Variants in RARA observed in about 807,000 individuals in gnomAD.
The protein encoded by RARA is PML-DDX5-RARA fusion.
Under a neutral mutation model 42.8 loss-of-function variants are expected in RARA, and 5 were observed. The ratio of observed to expected loss-of-function variants is 0.12; its 90% CI spans 0.06 to 0.25. The LOEUF is 0.25. Among genes scored for constraint, RARA ranks in the 10% least tolerant of loss-of-function variants. RARA has a pLI of 1.00. For missense variants in RARA, 402 were observed against 628.7 expected (o/e 0.64, Z 3.86); for synonymous variants, 256 against 259.5 (o/e 0.99, Z 0.13).
intron 2 of RARA, among the ~76,000 whole-genome samples, chr17:40,340,476 G>A (rs773498565): frequency 2.6e-5 from 4 of 152,178 alleles, no homozygotes; most frequent in Non-Finnish European, 5.9e-5. Context: ...TGTGCCCCAT[G>A]ATTCTAGCCT....
chr17:40,351,792 C>A lies in RARA; in HGVS notation c.470-118C>A. ...CCTGCCCGTGAACGCGTGCTGTGTG[C>A]GCGTGCTTACAAGCCTGGGTGACCT... is the stretch of plus-strand genomic sequence containing the variant. On this transcript the variant is annotated intron_variant, in intron 4 of 8. Transcript: ENST00000254066. The surrounding 1 kb of genome is among the most constrained non-coding windows in gnomAD (Gnocchi z 4.1). 1 of 1,339,870 alleles carries A rather than the reference C, an allele frequency of 7.5e-7. No homozygotes were observed. The highest frequency in any genetic ancestry group is 1.0e-6 in the Non-Finnish European group (1 of 986,034). The allele number at this position is 1,339,870 out of a possible 1,614,324, so 83.0% of individuals were successfully genotyped here.
intron 1 of RARA, among the ~76,000 whole-genome samples, chr17:40,329,193 C>T (rs1319719024): frequency 1.3e-5 from 2 of 151,626 alleles, no homozygotes; most frequent in African/African-American, 4.9e-5. Flanking sequence ...AGTGCAGTGA[C>T]ACAATCTCGG....
chr17:40,324,714 T>A (rs903606924), intron 1 of RARA, among the ~76,000 whole-genome samples: 10 of 152,180 alleles, frequency 6.6e-5, no homozygotes, highest in Non-Finnish European at 1.2e-4. Context: ...GACAAGGCAC[T>A]GTGTCTTGAG....
chr17:40,321,263 C>G (rs978377133), intron 1 of RARA, among the ~76,000 whole-genome samples: 1 of 151,858 alleles, frequency 6.6e-6, no homozygotes, highest in Non-Finnish European at 1.5e-5. Flanking sequence ...CCCAGTCTGG[C>G]TCGGGTGTGG....
At chr17:40,312,242 C>G (rs1157429044) in intron 1 of RARA, among the ~76,000 whole-genome samples, 1 of 152,236 alleles carries the variant, frequency 6.6e-6, no homozygotes, top group Middle Eastern at 3.2e-3. Context: ...CTCTAGACCG[C>G]TTGCCTCCTT....
At chr17:40,322,556 G>T (rs1034365001) in intron 1 of RARA, among the ~76,000 whole-genome samples, 1 of 152,010 alleles carries the variant, frequency 6.6e-6, no homozygotes, top group Non-Finnish European at 1.5e-5. Context: ...GCTTTATCCC[G>T]GCCCTCCCCC....
chr17:40,331,191 G>T lies in RARA; in HGVS notation c.-28G>T, dbSNP rs144842676. The T allele has an allele frequency of 1.0e-3, 1,581 of 1,588,294 alleles. 26 individuals carry two copies. In the East Asian group the frequency reaches 0.029, roughly 30 times the overall value. On this transcript the variant is annotated 5_prime_UTR_variant, in exon 2 of 9. Coordinates refer to ENST00000254066, the MANE Select transcript of RARA (RefSeq NM_000964.4). ...ACCAGAGCCCCCTGCCAGACTGTCTGCCTCCCTTCTGACTGTGGCCGCTTG... is the reference window on the plus strand; with the variant it reads ...ACCAGAGCCCCCTGCCAGACTGTCTTCCTCCCTTCTGACTGTGGCCGCTTG...
chr17:40,354,642 G>A lies in RARA; in HGVS notation c.1012+136G>A, dbSNP rs1481367130. On this transcript the variant is annotated intron_variant, in intron 7 of 8. Coordinates refer to ENST00000254066, the MANE Select transcript of RARA (RefSeq NM_000964.4). This position sits in a 1 kb window ranked among gnomAD's most constrained non-coding sequence, Gnocchi z 4.5. ...GGTCTGGTCTGCAACTACACAGCAA[G>A]GGGGCCATGTGGGGCCTGGACTCCT... is the stretch of plus-strand genomic sequence containing the variant. The A allele has an allele frequency of 3.6e-6, 4 of 1,109,726 alleles. No individual in the cohort carries two copies. Among genetic ancestry groups the A allele is most frequent in the Non-Finnish European group, 5.0e-6 (4 of 793,160 alleles). The allele number at this position is 1,109,726 out of a possible 1,614,324, so 68.7% of individuals were successfully genotyped here. A position where few individuals can be genotyped will look rare whatever the true frequency, so the allele number is the denominator to read the frequency against.
At position 40,314,277 on chromosome 17, in the gene RARA, A is replaced by G. The variant is rs188638880; in HGVS notation, c.-363+4991A>G. Among the ~76,000 whole-genome samples the G allele has an allele frequency of 1.6e-3, 241 of 152,042 alleles. 1 individual carries two copies. The highest frequency in any genetic ancestry group is 5.7e-3 in the African/African-American group (238 of 41,436). On this transcript the variant is annotated intron_variant, in intron 1 of 8. Transcript: ENST00000254066. ...TCAATCCCTGCACCCCACCCTCCCA[A>G]TTTCCCTCCTGCTCAACAACTTCAG... is the stretch of plus-strand genomic sequence containing the variant.
chr17:40,330,254 A>G (rs2033656611), intron 1 of RARA, among the ~76,000 whole-genome samples: 1 of 152,024 alleles, frequency 6.6e-6, no homozygotes, highest in Non-Finnish European at 1.5e-5. Flanking sequence ...TGGACCATCC[A>G]TGCTGTTAAG....
intron 2 of RARA, chr17:40,342,893 G>T (rs1598569203): frequency 1.3e-6 from 2 of 1,599,192 alleles, no homozygotes; most frequent in Non-Finnish European, 8.5e-7. Context: ...TCAGTCTGCT[G>T]TTGTAGGGGG....
chr17:40,349,699 C>G (rs1170787017), intron 3 of RARA, 85 bp from the exon 4 acceptor site: 1 of 1,548,340 alleles, frequency 6.5e-7, no homozygotes, highest in African/African-American at 1.4e-5. Context: ...GCTGGCCTGG[C>G]CCTCCTCCCC....
chr17:40,356,124 TG>T lies in RARA; in HGVS notation c.1293del (p.Arg432GlyfsTer211), dbSNP rs1555574293. 2 of 265,834 alleles carry T rather than the reference TG, an allele frequency of 7.5e-6. No homozygotes were observed. Among genetic ancestry groups the T allele is most frequent in the East Asian group, 1.2e-4 (1 of 8,324 alleles). The allele number at this position is 265,834 out of a possible 1,614,324, so 16.5% of individuals were successfully genotyped here. On this transcript the variant is annotated frameshift_variant, in exon 9 of 9. Transcript: ENST00000254066. LOFTEE classifies it high-confidence loss of function. The stretch of plus-strand genomic sequence containing the variant: ...ACACTCTGAGCGGACAGCCGGGGGG[TG>T]GGGGGCGGGACGGGGGTGGCCTGGC... ...LDTLSGQPGG[G>X]GRDGGGLAPP... is the part of the protein sequence containing the mutation.
chr17:40,340,268 T>C (rs1464344295), intron 2 of RARA, among the ~76,000 whole-genome samples: 1 of 152,238 alleles, frequency 6.6e-6, no homozygotes. Context: ...TGCCCTCCTA[T>C]AATCCATTCT....
Position 40,315,163 on chromosome 17 carries a change from T to TACACAC in RARA, c.-363+5878_-363+5879insCACACA, listed in dbSNP as rs1249928969. 2.4e-3 allele frequency among the ~76,000 whole-genome samples: 298 copies of TACACAC among 124,052 alleles called. 4 individuals are homozygous for TACACAC. The highest frequency in any genetic ancestry group is 0.011 in the African/African-American group (278 of 26,398). 81.4% of individuals were successfully genotyped at this position (124,052 alleles called of 152,430 possible). ...ATATATATATATATATATATATATA[T>TACACAC]ATATATATACACACACACACACACA... is the stretch of plus-strand genomic sequence containing the variant. On this transcript the variant is annotated intron_variant, in intron 1 of 8. Transcript: ENST00000254066.
chr17:40,341,327 T>A, intron 2 of RARA: 1 of 1,400,382 alleles, frequency 7.1e-7, no homozygotes. Context: ...GGGCCCCCTC[T>A]GCCTGTGTTT....
rs1319434091 is a variant in RARA, at chr17:40,351,438, C to A, written c.470-472C>A. 2.1e-6 allele frequency: 1 copy of A among 469,430 alleles called. No individual in the cohort carries two copies. Among genetic ancestry groups the A allele is most frequent in the African/African-American group, 2.0e-5 (1 of 50,132 alleles). 29.1% of individuals were successfully genotyped at this position (469,430 alleles called of 1,614,324 possible). A position where few individuals can be genotyped will look rare whatever the true frequency, so the allele number is the denominator to read the frequency against. ...GATTCTCCCCGCCAGGTCCCCCACT[C>A]TCAGGCTGGGGAGCCCTACTCCCCA... On this transcript the variant is annotated intron_variant, in intron 4 of 8. Transcript: ENST00000254066. This position sits in a 1 kb window ranked among gnomAD's most constrained non-coding sequence, Gnocchi z 4.1.
chr17:40,309,563 C>CGCCCT (rs2033056998), intron 1 of RARA, among the ~76,000 whole-genome samples: 1 of 152,188 alleles, frequency 6.6e-6, no homozygotes. Flanking sequence ...CCAGGCCCCA[C>CGCCCT]GCCCTTGCAC....
chr17:40,316,128 A>T (rs566375877), intron 1 of RARA, among the ~76,000 whole-genome samples: 2 of 152,208 alleles, frequency 1.3e-5, no homozygotes, highest in African/African-American at 4.8e-5. Flanking sequence ...GGCCTTGGAC[A>T]GGTGGTACTG....
Sources: gnomAD v4.1 joint callset for allele counts (sites outside exome capture counted in the v4.1 genomes callset) on GRCh38, gnomAD v4.1.1 for gene constraint, Gnocchi (gnomAD v3.1) non-coding constraint, MANE v1.5 for transcripts, NCBI Gene and HGNC (gene_info 2026-07-23, HGNC 2026-07-21) for gene names.